The following OTOF variants were observed in gnomAD, a reference collection of about 807,000 sequenced individuals.
The protein encoded by OTOF is otoferlin, also known as fer-1-like family member 2.
OTOF carries 218 observed loss-of-function variants against 236.8 expected under a neutral mutation model. The observed-to-expected ratio is 0.92, with a 90% CI of 0.82 to 1.03. The LOEUF (loss-of-function observed/expected upper bound fraction) is 1.03, where lower values mean the gene tolerates loss of function less well. OTOF is among the 50% of genes least tolerant of loss of function. OTOF has a pLI of 0.00. For synonymous variants in OTOF, 1,041 were observed against 1,072.5 expected, an observed-to-expected ratio of 0.97 and a Z score of 0.57; for missense variants, 2,590 against 2,694.4, an observed-to-expected ratio of 0.96 and a Z score of 0.86.
intron 3 of OTOF, among the ~76,000 whole-genome samples, chr2:26,519,612 C>G (rs959936351): frequency 6.6e-6 from 1 of 152,180 alleles, no homozygotes; most frequent in Non-Finnish European, 1.5e-5. Flanking sequence ...ATGGCAGAGC[C>G]CATGGAACTG....
At chr2:26,519,376 C>T (rs1414829199) in intron 3 of OTOF, among the ~76,000 whole-genome samples, 2 of 152,192 alleles carry the variant, frequency 1.3e-5, no homozygotes, top group African/African-American at 2.4e-5. Flanking sequence ...CTACAGACTG[C>T]GGGGAAAGGT....
intron 5 of OTOF, among the ~76,000 whole-genome samples, chr2:26,511,327 C>T (rs1316370485): frequency 2.6e-5 from 4 of 152,012 alleles, no homozygotes; most frequent in East Asian, 1.9e-4. Context: ...GTAGGTGGGG[C>T]GGTAAGTGAG....
intron 30 of OTOF, among the ~76,000 whole-genome samples, chr2:26,471,721 C>T (rs1393044091): frequency 6.6e-6 from 1 of 152,216 alleles, no homozygotes; most frequent in South Asian, 2.1e-4. Context: ...ACACACATAC[C>T]ACATGCCAGT....
At chr2:26,530,435 C>T (rs1399386597) in intron 2 of OTOF, among the ~76,000 whole-genome samples, 3 of 152,130 alleles carry the variant, frequency 2.0e-5, no homozygotes, top group East Asian at 1.9e-4. Context: ...TTCAGAAATT[C>T]GTCAGCCGGG....
intron 24 of OTOF, 30 bp downstream of exon 24, chr2:26,475,884 C>T (rs377046488): frequency 4.1e-5 from 65 of 1,582,294 alleles, no homozygotes; most frequent in Admixed American, 5.3e-5. Context: ...CTCTCAAAGC[C>T]AGAGCCACTC....
intron 2 of OTOF, among the ~76,000 whole-genome samples, chr2:26,530,836 G>A (rs533924798): frequency 6.6e-6 from 1 of 152,090 alleles, no homozygotes; most frequent in East Asian, 1.9e-4. Context: ...CCTGGAGACC[G>A]ATCAAGCCGG....
intron 3 of OTOF, among the ~76,000 whole-genome samples, chr2:26,523,818 G>A (rs1666737858): frequency 6.6e-6 from 1 of 152,254 alleles, no homozygotes; most frequent in Admixed American, 6.5e-5. Context: ...CCCATGAGAA[G>A]GAGCCTGGGG....
intron 32 of OTOF, among the ~76,000 whole-genome samples, chr2:26,469,921 A>T (rs1282472536): frequency 6.6e-6 from 1 of 152,200 alleles, no homozygotes; most frequent in African/African-American, 2.4e-5. Context: ...GGCCAGTCAG[A>T]GCACCCTGAG....
chr2:26,458,229 T>G lies in OTOF; in HGVS notation c.*18-9A>C. 6.4e-7 allele frequency: 1 copy of G among 1,568,430 alleles called. No homozygotes were observed. The highest frequency in any genetic ancestry group is 8.6e-7 in the Non-Finnish European group (1 of 1,156,794). ...AGGCCGTGTCGGGCCGGCTGGGAAG[T>G]GGAAGAGAGGAGCCGGTCAGCCAGT... On this transcript the variant is annotated splice_polypyrimidine_tract_variant and intron_variant, in intron 46 of 46. Transcript: ENST00000272371.
At chr2:26,529,368 C>T (rs187770453) in intron 2 of OTOF, among the ~76,000 whole-genome samples, 6 of 152,300 alleles carry the variant, frequency 3.9e-5, no homozygotes, top group African/African-American at 7.2e-5. Context: ...TAGTAATAAT[C>T]GCTGCCATTT....
chr2:26,463,609 C>G (rs1664588932), intron 40 of OTOF, 38 bp from the exon 41 acceptor site: 1 of 1,494,186 alleles, frequency 6.7e-7, no homozygotes, highest in Non-Finnish European at 9.2e-7. Flanking sequence ...CCAGGGCCTT[C>G]TCCCTCTGCC....
At chr2:26,555,024 C>G (rs964928810) in intron 1 of OTOF, among the ~76,000 whole-genome samples, 2 of 152,192 alleles carry the variant, frequency 1.3e-5, no homozygotes, top group East Asian at 1.9e-4. Context: ...GGTCCCCCAG[C>G]CTTGGTGCTC....
intron 1 of OTOF, among the ~76,000 whole-genome samples, chr2:26,537,998 T>C (rs932984209): frequency 6.6e-6 from 1 of 151,762 alleles, no homozygotes; most frequent in Non-Finnish European, 1.5e-5. Flanking sequence ...AGGCCATGAG[T>C]TCCATGTTAG....
chr2:26,558,396 C>T, intron 1 of OTOF, 97 bp downstream of exon 1: 3 of 1,092,796 alleles, frequency 2.7e-6, no homozygotes, highest in East Asian at 2.4e-5. Flanking sequence ...CTTTTCCCAC[C>T]CATCCTCCCA....
In OTOF at chr2:26,516,733, T is replaced by A. The variant is rs559969112; in HGVS notation, c.328-134A>T. On this transcript the variant is annotated intron_variant, in intron 4 of 46. Coordinates refer to ENST00000272371, the MANE Select transcript of OTOF (RefSeq NM_194248.3). Reference sequence around the variant, plus strand: ...ACTGGAGGAGGTCAGGATGGTATGATCCCCTCTGCCCCATTTTGCTGATGA... The same window carrying A: ...ACTGGAGGAGGTCAGGATGGTATGAACCCCTCTGCCCCATTTTGCTGATGA... 5 of 897,150 alleles carry A rather than the reference T, an allele frequency of 5.6e-6. No individual in the cohort carries two copies. The South Asian group carries it at 6.9e-5, about 12-fold the overall frequency. The allele number at this position is 897,150 out of a possible 1,614,324, so 55.6% of individuals were successfully genotyped here. A position where few individuals can be genotyped will look rare whatever the true frequency, so the allele number is the denominator to read the frequency against.
At chr2:26,503,590 C>T (rs1372046492) in intron 6 of OTOF, among the ~76,000 whole-genome samples, 182 bp downstream of exon 6, 1 of 152,246 alleles carries the variant, frequency 6.6e-6, no homozygotes, top group Non-Finnish European at 1.5e-5. Flanking sequence ...GAGGGCGCTG[C>T]CCGTTTCCCT....
At chr2:26,490,394 C>T (rs939189453) in intron 9 of OTOF, among the ~76,000 whole-genome samples, 2 of 152,210 alleles carry the variant, frequency 1.3e-5, no homozygotes, top group East Asian at 1.9e-4. Context: ...AGTTGGCAGT[C>T]GATGTGAAAT....
At chr2:26,484,735 G>T (rs535998297) in intron 11 of OTOF, 102 bp from the exon 12 acceptor site, 1 of 1,189,126 alleles carries the variant, frequency 8.4e-7, no homozygotes. Context: ...TGCTGTCTTG[G>T]TCCCTAGAGT....
In OTOF at chr2:26,460,145, CAAG is replaced by C. The variant is rs894362344; in HGVS notation, c.5871_5873del (p.Phe1957del). On this transcript the variant is annotated inframe_deletion, in exon 46 of 47. Transcript: ENST00000272371. This position sits in a 1 kb window ranked among gnomAD's most constrained non-coding sequence, Gnocchi z 5.3. ...GGAGCAGCCAGCGATACGTGTGCCA[CAAG>C]AAGTAGCGAGCCGACTTGAGAGGGT... The C allele has an allele frequency of 4.4e-6, 7 of 1,602,438 alleles. No homozygotes were observed. Among genetic ancestry groups the C allele is most frequent in the African/African-American group, 2.7e-5 (2 of 74,716 alleles).
Sources: gnomAD v4.1 joint callset for allele counts (sites outside exome capture counted in the v4.1 genomes callset) on GRCh38, gnomAD v4.1.1 for gene constraint, Gnocchi (gnomAD v3.1) non-coding constraint, MANE v1.5 for transcripts, NCBI Gene and HGNC (gene_info 2026-07-23, HGNC 2026-07-21) for gene names.